WNK1: variants seen among roughly 807,000 people sequenced by gnomAD.
WNK1 encodes the protein serine/threonine-protein kinase WNK1.
In WNK1, 38 loss-of-function variants were observed where a neutral mutation model predicts 222.8. The observed-to-expected ratio is 0.17, with a 90% CI of 0.13 to 0.22. The LOEUF is 0.22. Among genes scored for constraint, WNK1 ranks in the 10% least tolerant of loss-of-function variants. The probability of loss-of-function intolerance (pLI) is 1.00; values close to 1 mark genes in which losing one functional copy is unlikely to be tolerated. For synonymous variants in WNK1, 1,090 were observed against 1,092.9 expected (o/e 1.00, Z 0.05); for missense variants, 2,348 against 2,918.4 (o/e 0.80, Z 4.50).
At chr12:845,277 G>C (rs927101915) in intron 4 of WNK1, among the ~76,000 whole-genome samples, 9 of 152,108 alleles carry the variant, frequency 5.9e-5, no homozygotes, top group Non-Finnish European at 1.2e-4. Context: ...GTGTCTGTCT[G>C]CTTAACTATT....
chr12:787,334 T>A, intron 1 of WNK1, among the ~76,000 whole-genome samples: 1 of 152,084 alleles, frequency 6.6e-6, no homozygotes, highest in East Asian at 1.9e-4. Flanking sequence ...CTGTTGCTGA[T>A]CTGAAACTCT....
chr12:894,627 C>A lies in WNK1; in HGVS notation c.5575C>A (p.Arg1859=), dbSNP rs182399931. 1.2e-4 allele frequency: 197 copies of A among 1,613,828 alleles called. No individual in the cohort carries two copies. Among genetic ancestry groups the A allele is most frequent in the Non-Finnish European group, 1.6e-4 (191 of 1,179,844 alleles). The change falls in exon 23 of 28, where the codon CGA becomes AGA. Residue 1859 remains arginine, a synonymous_variant. Transcript: ENST00000315939. ...AGGAGCTGGTGTTTTTAAGATGGGA[C>A]GATTTCAGGTAAGACAGTCACTTTG... ...SSGAGVFKMG[R]FQVSVAADGA...
At chr12:797,524 G>A (rs940889276) in intron 1 of WNK1, among the ~76,000 whole-genome samples, 7 of 152,094 alleles carry the variant, frequency 4.6e-5, no homozygotes, top group African/African-American at 9.7e-5. Context: ...AATTATCGGC[G>A]TTCAGTTGGT....
At position 879,802 on chromosome 12, in the gene WNK1, G is replaced by A. The variant is rs747342146; in HGVS notation, c.2603G>A (p.Gly868Asp). ...FSSLPITMAA[G>D]ITQPLLTLAS... Reference sequence around the variant, plus strand: ...TCCCTTCCCATCACAATGGCAGCTGGCATTACTCAGCCTCTGCTCACGTTG... The same window carrying A: ...TCCCTTCCCATCACAATGGCAGCTGACATTACTCAGCCTCTGCTCACGTTG... The change falls in exon 11 of 28, where the codon GGC becomes GAC. Residue 868 changes from glycine to aspartate, a missense_variant. Transcript: ENST00000315939. 6.2e-7 allele frequency: 1 copy of A among 1,614,028 alleles called. No individual in the cohort carries two copies. Among genetic ancestry groups the A allele is most frequent in the South Asian group, 1.1e-5 (1 of 91,072 alleles).
At chr12:839,110 G>A (rs549802146) in intron 4 of WNK1, among the ~76,000 whole-genome samples, 45 of 152,338 alleles carry the variant, frequency 3.0e-4, no homozygotes, top group Non-Finnish European at 4.9e-4. Context: ...TGTAAGAGTG[G>A]TACCTAATCA....
chr12:772,467 A>G (rs1031337993), intron 1 of WNK1, among the ~76,000 whole-genome samples: 1 of 151,462 alleles, frequency 6.6e-6, no homozygotes, highest in Non-Finnish European at 1.5e-5. Context: ...GTGTATGTGT[A>G]TGTATGTATG....
In WNK1 at chr12:827,622, G is replaced by A. The variant is rs1244595270; in HGVS notation, c.1153+360G>A. ...CAGCTCACTGCAACCTCCACCCACC[G>A]GGTTCAAGCGATTCTTGTGCCTCAG... On this transcript the variant is annotated intron_variant, in intron 3 of 27. Transcript: ENST00000315939. This position sits in a 1 kb window ranked among gnomAD's most constrained non-coding sequence, Gnocchi z 4.6. 4 of 246,658 alleles carry A rather than the reference G, an allele frequency of 1.6e-5. No individual in the cohort carries two copies. The highest frequency in any genetic ancestry group is 3.2e-5 in the Non-Finnish European group (4 of 126,360). 15.3% of individuals were successfully genotyped at this position (246,658 alleles called of 1,614,324 possible).
At chr12:847,844 G>C (rs1003642714) in intron 4 of WNK1, among the ~76,000 whole-genome samples, 9 of 110,650 alleles carry the variant, frequency 8.1e-5, no homozygotes, top group Non-Finnish European at 1.5e-4. Flanking sequence ...GTCTCACTCT[G>C]TCGTTAGGCT....
rs66780864 is a variant in WNK1, at chr12:865,601, G to A, written c.2139+3331G>A. 5.9e-3 allele frequency among the ~76,000 whole-genome samples: 901 copies of A among 152,294 alleles called. 12 individuals carry two copies. The highest frequency in any genetic ancestry group is 0.019 in the African/African-American group (794 of 41,556). Reference sequence around the variant, plus strand: ...ATGTCCTTGGCACATACCAGCATGTGTCCAATAAAATTTACCTTTCATTAT... The same window carrying A: ...ATGTCCTTGGCACATACCAGCATGTATCCAATAAAATTTACCTTTCATTAT... On this transcript the variant is annotated intron_variant, in intron 8 of 27. Coordinates refer to ENST00000315939, the MANE Select transcript of WNK1 (RefSeq NM_018979.4).
chr12:844,567 A>T (rs966000236), intron 4 of WNK1, among the ~76,000 whole-genome samples: 3 of 152,122 alleles, frequency 2.0e-5, no homozygotes, highest in Non-Finnish European at 4.4e-5. Flanking sequence ...GGTGGCATGC[A>T]TTTGTGCTTT....
chr12:767,248 T>TTTTTG (rs1941856705), intron 1 of WNK1, among the ~76,000 whole-genome samples: 1 of 60,826 alleles, frequency 1.6e-5, no homozygotes, highest in African/African-American at 5.9e-5. Context: ...TTTTTTTTTT[T>TTTTTG]TTTTTTTTTT....
At position 885,161 on chromosome 12, in the gene WNK1, G is replaced by A. The variant is rs774635947; in HGVS notation, c.4357G>A (p.Val1453Ile). Residue 1453 changes from valine (V) to isoleucine (I), a missense_variant, in exon 19 of 28, where the codon GTT becomes ATT. Val to Ile is a conservative substitution (Grantham distance 29, BLOSUM62 3). Coordinates refer to ENST00000315939, the MANE Select transcript of WNK1 (RefSeq NM_018979.4). Reference protein sequence around the residue: ...SSTALYPSVTVSATSASAGGS... With the variant: ...SSTALYPSVTISATSASAGGS... ...TACAGCACTGTATCCTTCAGTAACA[G>A]TTTCAGCAACTTCAGCCTCTGCAGG... 5 of 1,614,114 alleles carry A rather than the reference G, an allele frequency of 3.1e-6. No homozygotes were observed. The Admixed American group carries it at 8.3e-5, about 27-fold the overall frequency.
At chr12:857,385 G>T in intron 5 of WNK1, 136 bp downstream of exon 5, 1 of 861,566 alleles carries the variant, frequency 1.2e-6, no homozygotes, top group Non-Finnish European at 1.9e-6. Flanking sequence ...CATTTTTAAA[G>T]GTAGGGTTTT....
At chr12:803,976 A>G (rs1329885888) in intron 1 of WNK1, among the ~76,000 whole-genome samples, 2 of 152,240 alleles carry the variant, frequency 1.3e-5, no homozygotes, top group South Asian at 4.1e-4. Context: ...AGTTACACTT[A>G]TCAAGAGATT....
chr12:862,041 C>G, intron 7 of WNK1, 42 bp from the exon 8 acceptor site: 1 of 1,611,124 alleles, frequency 6.2e-7, no homozygotes, highest in Non-Finnish European at 8.5e-7. Flanking sequence ...TGTGATTTGT[C>G]TTTCTCTCTC....
chr12:804,448 C>CAGG (rs1946167064), intron 1 of WNK1, among the ~76,000 whole-genome samples: 1 of 115,536 alleles, frequency 8.7e-6, no homozygotes, highest in South Asian at 3.0e-4. Context: ...TCTCAGCTCA[C>CAGG]TGCAACCTAT....
chr12:849,101 A>G (rs796377819), intron 4 of WNK1, among the ~76,000 whole-genome samples: 2 of 152,356 alleles, frequency 1.3e-5, no homozygotes, highest in African/African-American at 4.8e-5. Context: ...TGCAGCACAC[A>G]TTGCTGCATT....
At chr12:824,188 C>T (rs986367252) in intron 2 of WNK1, among the ~76,000 whole-genome samples, 1 of 149,990 alleles carries the variant, frequency 6.7e-6, no homozygotes, top group Non-Finnish European at 1.5e-5. Context: ...AGTGAGCCAG[C>T]GTCAGCCACT....
At chr12:899,343 G>A (rs1433223083) in intron 25 of WNK1, among the ~76,000 whole-genome samples, 3 of 151,834 alleles carry the variant, frequency 2.0e-5, no homozygotes, top group East Asian at 3.9e-4. Flanking sequence ...AGTCGGCAGT[G>A]GCTCAACCTC....
Sources: allele counts gnomAD v4.1 joint callset (sites outside exome capture counted in the v4.1 genomes callset), GRCh38; gene constraint gnomAD v4.1.1; non-coding constraint Gnocchi (gnomAD v3.1); transcripts MANE v1.5; gene names NCBI Gene and HGNC (gene_info 2026-07-23, HGNC 2026-07-21).